The following SYNPR variants were observed in gnomAD, a reference collection of about 807,000 sequenced individuals.
SYNPR encodes synaptoporin.
SYNPR carries 23 observed loss-of-function variants against 32.9 expected under a neutral mutation model. That is an observed-to-expected ratio of 0.70 (90% CI 0.50 to 0.99). SYNPR has a LOEUF of 0.99. Among genes scored for constraint, SYNPR ranks in the 50% least tolerant of loss-of-function variants. The pLI, the probability that SYNPR is intolerant of heterozygous loss-of-function variation, is 0.00. For synonymous variants in SYNPR, 146 were observed against 135.9 expected (o/e 1.07, Z -0.52); for missense variants, 318 against 349.3 (o/e 0.91, Z 0.71).
intron 2 of SYNPR, among the ~76,000 whole-genome samples, chr3:63,333,642 T>G (rs993054754): frequency 6.6e-6 from 1 of 152,098 alleles, no homozygotes; most frequent in African/African-American, 2.4e-5. Flanking sequence ...GGTCTCAAAC[T>G]CCTGGCTTCA....
chr3:63,385,181 AG>A (rs1389753673), intron 2 of SYNPR, among the ~76,000 whole-genome samples: 3 of 152,192 alleles, frequency 2.0e-5, no homozygotes, highest in Non-Finnish European at 4.4e-5. Context: ...TCTGAAAATA[AG>A]TCTAATGAAG....
intron 3 of SYNPR, among the ~76,000 whole-genome samples, chr3:63,517,409 T>C (rs184970506): frequency 2.2e-4 from 34 of 152,030 alleles, no homozygotes; most frequent in Non-Finnish European, 7.4e-5. Context: ...CTTTAAGAAG[T>C]AGAGAACAGT....
chr3:63,381,033 G>A (rs983588704), intron 2 of SYNPR, among the ~76,000 whole-genome samples: 6 of 152,158 alleles, frequency 3.9e-5, no homozygotes, highest in South Asian at 2.1e-4. Flanking sequence ...ATTCAACATA[G>A]TGTTGGAAGT....
intron 2 of SYNPR, among the ~76,000 whole-genome samples, chr3:63,377,535 A>C (rs1050052848): frequency 8.5e-5 from 13 of 152,060 alleles, no homozygotes; most frequent in Non-Finnish European, 4.4e-5. Context: ...ACTTTGAGTT[A>C]AGATCTTTCT....
intron 2 of SYNPR, among the ~76,000 whole-genome samples, chr3:63,474,874 G>A (rs1223990961): frequency 6.6e-6 from 1 of 152,074 alleles, no homozygotes; most frequent in Non-Finnish European, 1.5e-5. Flanking sequence ...TGACTTCACT[G>A]CAGACCAAGC....
At chr3:63,595,918 G>A (rs188504380) in intron 4 of SYNPR, among the ~76,000 whole-genome samples, 604 of 47,902 alleles carry the variant, frequency 0.013, 78 homozygotes, top group African/African-American at 0.037. Flanking sequence ...TATATATATA[G>A]TTTTATATAT....
At chr3:63,345,845 T>C (rs930353215) in intron 2 of SYNPR, among the ~76,000 whole-genome samples, 10 of 152,122 alleles carry the variant, frequency 6.6e-5, no homozygotes, top group African/African-American at 1.9e-4. Flanking sequence ...GATGGACTCT[T>C]GTTCTGTTGC....
chr3:63,346,056 C>G (rs1307826510), intron 2 of SYNPR, among the ~76,000 whole-genome samples: 1 of 152,146 alleles, frequency 6.6e-6, no homozygotes, highest in Non-Finnish European at 1.5e-5. Flanking sequence ...CTCAAATGAT[C>G]CTTCTGTCTC....
chr3:63,574,878 C>T (rs2106851711), intron 4 of SYNPR, among the ~76,000 whole-genome samples: 1 of 152,192 alleles, frequency 6.6e-6, no homozygotes, highest in East Asian at 1.9e-4. Context: ...AAAGTACAGT[C>T]AGATAAAAGC....
In SYNPR at chr3:63,492,053, T is replaced by A. The variant is rs187366407; in HGVS notation, c.209+11097T>A. ...TGGTGAGAGGAGGCGTCTAGTGAGTTCAGGAACCAAGGAAGAGATGCAGCT... is the reference window on the plus strand; with the variant it reads ...TGGTGAGAGGAGGCGTCTAGTGAGTACAGGAACCAAGGAAGAGATGCAGCT... On this transcript the variant is annotated intron_variant, in intron 3 of 5. Coordinates refer to ENST00000478300, the MANE Select transcript of SYNPR (RefSeq NM_001130003.2). 1.7e-3 allele frequency among the ~76,000 whole-genome samples: 259 copies of A among 152,178 alleles called. 1 individual carries two copies. Among genetic ancestry groups the A allele is most frequent in the African/African-American group, 5.8e-3 (243 of 41,550 alleles).
intron 3 of SYNPR, among the ~76,000 whole-genome samples, chr3:63,554,793 T>C (rs1205502240): frequency 2.0e-5 from 3 of 152,142 alleles, no homozygotes; most frequent in Non-Finnish European, 4.4e-5. Context: ...AATCTGTAAG[T>C]TGCTCTGGGC....
intron 1 of SYNPR, among the ~76,000 whole-genome samples, chr3:63,247,833 A>C (rs1203689535): frequency 6.6e-6 from 1 of 152,152 alleles, no homozygotes; most frequent in Non-Finnish European, 1.5e-5. Context: ...GTTTCTGACG[A>C]AGAAGGAGCA....
At chr3:63,446,182 G>C (rs1277436438) in intron 2 of SYNPR, among the ~76,000 whole-genome samples, 1 of 151,880 alleles carries the variant, frequency 6.6e-6, no homozygotes, top group African/African-American at 2.4e-5. Flanking sequence ...CAAGGCAGCT[G>C]GTTCGTCATT....
At chr3:63,583,335 C>G (rs1575722925) in intron 4 of SYNPR, among the ~76,000 whole-genome samples, 1 of 152,030 alleles carries the variant, frequency 6.6e-6, no homozygotes, top group Non-Finnish European at 1.5e-5. Flanking sequence ...ATGTGCAGGC[C>G]ACAGGGGTTA....
chr3:63,565,107 A>T (rs1702759198), intron 4 of SYNPR, among the ~76,000 whole-genome samples: 1 of 152,220 alleles, frequency 6.6e-6, no homozygotes, highest in African/African-American at 2.4e-5. Flanking sequence ...CATTTAAAAC[A>T]AAATGAAATG....
chr3:63,286,019 A>T (rs1004400964), intron 2 of SYNPR, among the ~76,000 whole-genome samples: 4 of 152,228 alleles, frequency 2.6e-5, no homozygotes, highest in Non-Finnish European at 5.9e-5. Flanking sequence ...AATTACAGAT[A>T]ACTTTTTGCA....
At chr3:63,286,404 G>T (rs1312933796) in intron 2 of SYNPR, among the ~76,000 whole-genome samples, 1 of 152,192 alleles carries the variant, frequency 6.6e-6, no homozygotes, top group Non-Finnish European at 1.5e-5. Flanking sequence ...AGGATGTGCT[G>T]AGGGTCCTTA....
intron 3 of SYNPR, among the ~76,000 whole-genome samples, chr3:63,520,914 C>T (rs745741140): frequency 1.0e-5 from 1 of 96,544 alleles, no homozygotes; most frequent in Non-Finnish European, 2.0e-5. Context: ...GTCCATTGTG[C>T]CTCTTTGGGG....
chr3:63,210,517 G>C, the SYNPR span, among the ~76,000 whole-genome samples: 512 of 152,286 alleles, frequency 3.4e-3, 17 homozygotes, highest in Admixed American at 0.031. Context: ...AAGTTGATTT[G>C]GTTGGTTGGT....
Sources: gnomAD v4.1 joint callset for allele counts (sites outside exome capture counted in the v4.1 genomes callset) on GRCh38, gnomAD v4.1.1 for gene constraint, MANE v1.5 for transcripts, NCBI Gene and HGNC (gene_info 2026-07-23, HGNC 2026-07-21) for gene names.